The following SPAG16 variants were observed in gnomAD, a reference collection of about 807,000 sequenced individuals.
SPAG16 encodes sperm-associated antigen 16 protein.
In SPAG16, 86 loss-of-function variants were observed where a neutral mutation model predicts 80.4. The observed-to-expected ratio is 1.07, with a 90% CI of 0.90 to 1.28. The LOEUF (loss-of-function observed/expected upper bound fraction) is 1.28. Among genes scored for constraint, SPAG16 ranks in the 50% most tolerant of loss-of-function variants. The probability of loss-of-function intolerance (pLI) is 0.00; values close to 1 mark genes in which losing one functional copy is unlikely to be tolerated. For synonymous variants in SPAG16, 294 were observed against 265.9 expected (o/e 1.11, Z -1.03); for missense variants, 870 against 765.3 (o/e 1.14, Z -1.61).
intron 10 of SPAG16, among the ~76,000 whole-genome samples, chr2:213,505,230 G>A (rs1230915590): frequency 1.3e-5 from 2 of 152,100 alleles, no homozygotes; most frequent in Non-Finnish European, 2.9e-5. Context: ...AAATGGATAG[G>A]GGGTATCAAT....
At chr2:213,822,553 C>A (rs1019238486) in intron 10 of SPAG16, among the ~76,000 whole-genome samples, 1 of 152,046 alleles carries the variant, frequency 6.6e-6, no homozygotes. Flanking sequence ...GATTTGTTTA[C>A]TTTTGCTTTG....
intron 11 of SPAG16, among the ~76,000 whole-genome samples, chr2:213,885,058 T>G (rs1054138444): frequency 1.3e-5 from 2 of 152,178 alleles, no homozygotes; most frequent in Non-Finnish European, 2.9e-5. Context: ...AAGGAGACCC[T>G]CTGTCTTTAT....
intron 9 of SPAG16, among the ~76,000 whole-genome samples, chr2:213,481,552 A>G (rs2073749853): frequency 6.6e-6 from 1 of 152,170 alleles, no homozygotes; most frequent in Non-Finnish European, 1.5e-5. Context: ...ACTACATACT[A>G]TGTAAGTGCC....
intron 10 of SPAG16, among the ~76,000 whole-genome samples, chr2:213,795,639 G>A (rs2070977877): frequency 6.6e-6 from 1 of 152,126 alleles, no homozygotes; most frequent in Non-Finnish European, 1.5e-5. Flanking sequence ...TAGAGGTGGG[G>A]CCTGGTGGGA....
intron 1 of SPAG16, among the ~76,000 whole-genome samples, chr2:213,293,908 C>T (rs2062397110): frequency 6.6e-6 from 1 of 151,994 alleles, no homozygotes; most frequent in Admixed American, 6.6e-5. Flanking sequence ...CATATAGTTA[C>T]CTTTTCACTT....
chr2:213,454,364 A>C (rs2071875155), intron 9 of SPAG16, among the ~76,000 whole-genome samples: 1 of 152,154 alleles, frequency 6.6e-6, no homozygotes, highest in Admixed American at 6.5e-5. Context: ...TTGGTTTTTA[A>C]TCCATATATT....
chr2:214,126,650 CAAT>C (rs2054512103), intron 14 of SPAG16, among the ~76,000 whole-genome samples: 1 of 151,664 alleles, frequency 6.6e-6, no homozygotes, highest in South Asian at 2.1e-4. Context: ...CTATATTAAT[CAAT>C]AATAATTAGC....
At position 213,284,491 on chromosome 2, in the gene SPAG16, C is replaced by A; in HGVS notation, c.8C>A (p.Ala3Asp). ...GGGCCCGAAGCGCCAGAGATGGCTG[C>A]TCAGCGAGGGATGCCCAGCTCCGCC... MA[A>D]QRGMPSSAVR... The change falls in exon 1 of 16, where the codon GCT becomes GAT. Residue 3 changes from alanine (A) to aspartate (D), a missense_variant. Transcript: ENST00000331683. 1 of 1,569,126 alleles carries A rather than the reference C, an allele frequency of 6.4e-7. No homozygotes were observed. Among genetic ancestry groups the A allele is most frequent in the Non-Finnish European group, 8.6e-7 (1 of 1,157,474 alleles).
chr2:214,027,554 T>C lies in SPAG16; in HGVS notation c.1527+13477T>C, dbSNP rs527974697. On this transcript the variant is annotated intron_variant, in intron 13 of 15. Transcript: ENST00000331683. ...ATTTTTAAAAAGCATTTAAATCATA[T>C]TGATAAAGGATCTATAAGATGTTGA... is the stretch of plus-strand genomic sequence containing the variant. 4.6e-5 allele frequency among the ~76,000 whole-genome samples: 7 copies of C among 151,958 alleles called. No homozygotes were observed. The East Asian group carries it at 9.7e-4, about 21-fold the overall frequency.
intron 10 of SPAG16, among the ~76,000 whole-genome samples, chr2:213,834,345 G>C (rs1275460551): frequency 2.0e-5 from 3 of 152,130 alleles, no homozygotes; most frequent in Admixed American, 1.3e-4. Context: ...AAAATATGTA[G>C]ACCCAGGGAA....
At chr2:213,450,181 G>A (rs2071602128) in intron 9 of SPAG16, among the ~76,000 whole-genome samples, 1 of 152,190 alleles carries the variant, frequency 6.6e-6, no homozygotes, top group African/African-American at 2.4e-5. Context: ...GTGCATGCCT[G>A]TAATCCCAGC....
At chr2:213,792,867 A>G (rs1273537000) in intron 10 of SPAG16, among the ~76,000 whole-genome samples, 1 of 151,904 alleles carries the variant, frequency 6.6e-6, no homozygotes, top group Non-Finnish European at 1.5e-5. Context: ...CTTCAATCCC[A>G]GGAGGTCTGA....
intron 11 of SPAG16, among the ~76,000 whole-genome samples, chr2:213,920,997 A>G (rs2078196292): frequency 6.6e-6 from 1 of 152,150 alleles, no homozygotes; most frequent in Non-Finnish European, 1.5e-5. Flanking sequence ...TGTCAGTTCA[A>G]TTCACCCATT....
intron 10 of SPAG16, among the ~76,000 whole-genome samples, chr2:213,632,370 T>A (rs549034929): frequency 8.8e-4 from 134 of 152,282 alleles, no homozygotes; most frequent in African/African-American, 3.1e-3. Context: ...AGTTTTCTTG[T>A]GGAATCTTTA....
At chr2:214,290,987 G>A (rs575597959) in intron 15 of SPAG16, among the ~76,000 whole-genome samples, 1 of 152,116 alleles carries the variant, frequency 6.6e-6, no homozygotes, top group Non-Finnish European at 1.5e-5. Flanking sequence ...TTGTATTGAA[G>A]TGTACCTCTC....
chr2:213,802,310 C>T (rs2125641096), intron 10 of SPAG16, among the ~76,000 whole-genome samples: 1 of 152,226 alleles, frequency 6.6e-6, no homozygotes, highest in South Asian at 2.1e-4. Flanking sequence ...CCCTTCTTTA[C>T]CATTTTGCCT....
At chr2:214,402,494 C>T (rs749386650) in intron 15 of SPAG16, among the ~76,000 whole-genome samples, 2 of 150,774 alleles carry the variant, frequency 1.3e-5, no homozygotes, top group African/African-American at 4.9e-5. Context: ...TTTTCAGGAA[C>T]AATTAGTGTA....
intron 9 of SPAG16, among the ~76,000 whole-genome samples, chr2:213,448,528 C>T (rs1332132989): frequency 6.6e-6 from 1 of 152,070 alleles, no homozygotes; most frequent in Non-Finnish European, 1.5e-5. Context: ...TGTGCCGTAC[C>T]AGTTAAAGAA....
intron 10 of SPAG16, among the ~76,000 whole-genome samples, chr2:213,832,101 G>T (rs537365608): frequency 1.0e-3 from 158 of 152,090 alleles, no homozygotes; most frequent in Non-Finnish European, 1.9e-3. Context: ...GGGTTCAAGT[G>T]GTTCTCCTGC....
Sources: allele counts gnomAD v4.1 joint callset (sites outside exome capture counted in the v4.1 genomes callset), GRCh38; gene constraint gnomAD v4.1.1; transcripts MANE v1.5; gene names NCBI Gene and HGNC (gene_info 2026-07-23, HGNC 2026-07-21).